TANC2: variants seen among roughly 807,000 people sequenced by gnomAD.
The protein encoded by TANC2 is protein TANC2.
Under a neutral mutation model 210.5 loss-of-function variants are expected in TANC2, and 26 were observed. The observed-to-expected ratio is 0.12, with a 90% CI of 0.09 to 0.17. The LOEUF (loss-of-function observed/expected upper bound fraction) is 0.17. TANC2 is among the 10% of genes least tolerant of loss of function. TANC2 has a pLI of 1.00. For synonymous variants in TANC2, 931 were observed against 967.1 expected (o/e 0.96, Z 0.69); for missense variants, 2,129 against 2,608.9 (o/e 0.82, Z 4.01).
intron 2 of TANC2, among the ~76,000 whole-genome samples, chr17:63,010,424 A>C (rs1198727319): frequency 6.6e-6 from 1 of 150,710 alleles, no homozygotes; most frequent in Non-Finnish European, 1.5e-5. Context: ...TTTTTCCTCC[A>C]CTGCTCACAC....
rs115313619 is a variant in TANC2 at position 63,395,169 on chromosome 17, C to T, written c.3052-574C>T. On this transcript the variant is annotated intron_variant, in intron 17 of 27. Transcript: ENST00000689528. ...AACACTGAAATTATGAAGACTGCTACTGGTGCACTAAGCCAGAAGTGCCTC... is the reference window on the plus strand; with the variant it reads ...AACACTGAAATTATGAAGACTGCTATTGGTGCACTAAGCCAGAAGTGCCTC... 8.2e-3 allele frequency among the ~76,000 whole-genome samples: 1,248 copies of T among 152,308 alleles called. 13 individuals are homozygous for T. The highest frequency in any genetic ancestry group is 0.027 in the African/African-American group (1,138 of 41,562).
intron 7 of TANC2, among the ~76,000 whole-genome samples, chr17:63,208,889 G>GT (rs142470948): frequency 1.3e-5 from 2 of 151,954 alleles, no homozygotes; most frequent in Admixed American, 6.6e-5. Context: ...ATAATTTATA[G>GT]TTTTTTTGTG....
At chr17:63,030,478 A>C (rs1198125107) in intron 2 of TANC2, among the ~76,000 whole-genome samples, 1 of 152,092 alleles carries the variant, frequency 6.6e-6, no homozygotes, top group East Asian at 1.9e-4. Context: ...AGTACCTTCA[A>C]CTTTTACATC....
rs539156494 is a variant in TANC2 at position 63,284,011 on chromosome 17, A to C, written c.1159+16138A>C. Among the ~76,000 whole-genome samples, 202 of 152,062 alleles carry C rather than the reference A, an allele frequency of 1.3e-3. 2 individuals are homozygous for C. The highest frequency in any genetic ancestry group is 4.5e-3 in the African/African-American group (189 of 41,552). ...ACTAGTACAATGTTGAGTAGAAACA[A>C]AGAGAGCGGAAATTCTTGCTTTTTC... On this transcript the variant is annotated intron_variant, in intron 9 of 27. Transcript: ENST00000689528.
chr17:63,204,953 C>G (rs1191960048), intron 7 of TANC2, among the ~76,000 whole-genome samples: 1 of 151,968 alleles, frequency 6.6e-6, no homozygotes, highest in African/African-American at 2.4e-5. Context: ...GGCGTGGTAG[C>G]AGGAGCCTGT....
intron 7 of TANC2, among the ~76,000 whole-genome samples, chr17:63,202,602 A>G (rs1017546142): frequency 6.6e-6 from 1 of 152,280 alleles, no homozygotes; most frequent in Admixed American, 6.5e-5. Flanking sequence ...CATCTATGAT[A>G]TTGCACATGT....
chr17:63,305,264 G>A (rs566049106), intron 9 of TANC2: 1 of 152,382 alleles, frequency 6.6e-6, no homozygotes, highest in African/African-American at 2.4e-5. Flanking sequence ...GAAAAAACAT[G>A]TTTTCCCAGG....
At chr17:63,162,093 C>T (rs2040047464) in intron 5 of TANC2, among the ~76,000 whole-genome samples, 1 of 151,890 alleles carries the variant, frequency 6.6e-6, no homozygotes, top group Non-Finnish European at 1.5e-5. Flanking sequence ...TCATTCGAGG[C>T]CGGGAGTTGG....
intron 4 of TANC2, among the ~76,000 whole-genome samples, chr17:63,126,359 G>T (rs1178305501): frequency 1.3e-5 from 2 of 152,140 alleles, no homozygotes; most frequent in Non-Finnish European, 2.9e-5. Flanking sequence ...ACACTATTAT[G>T]ATGTTAAGAG....
chr17:63,364,215 C>G (rs1487087986), intron 14 of TANC2, among the ~76,000 whole-genome samples: 1 of 152,170 alleles, frequency 6.6e-6, no homozygotes, highest in Non-Finnish European at 1.5e-5. Context: ...AATTTGCCAA[C>G]ACATTGAATG....
At chr17:63,115,902 A>G (rs978680709) in intron 4 of TANC2, among the ~76,000 whole-genome samples, 1 of 152,206 alleles carries the variant, frequency 6.6e-6, no homozygotes, top group Non-Finnish European at 1.5e-5. Context: ...ACTACAGTCA[A>G]GACTAGTCAA....
intron 9 of TANC2, among the ~76,000 whole-genome samples, chr17:63,296,681 G>A (rs1332402863): frequency 6.6e-6 from 1 of 152,108 alleles, no homozygotes; most frequent in Non-Finnish European, 1.5e-5. Flanking sequence ...GATACCAGGA[G>A]AACAATTTAT....
chr17:63,420,057 C>T lies in TANC2; in HGVS notation c.4327C>T (p.Arg1443Cys), dbSNP rs747580283. ...GGCCATCAAGCTGTGTCCCAACAAC[C>T]GTGAGATCCAGAGACTTCTGCTGAG... Residue 1443 changes from arginine (R) to cysteine (C), a missense_variant, in exon 28 of 28, where the codon CGT (arginine) becomes TGT (cysteine). Coordinates refer to ENST00000689528, the Ensembl canonical transcript of TANC2. The surrounding 1 kb of genome is among the most constrained non-coding windows in gnomAD (Gnocchi z 4.2). 5.2e-6 allele frequency: 8 copies of T among 1,552,080 alleles called. No individual in the cohort carries two copies. The highest frequency in any genetic ancestry group is 1.4e-5 in the African/African-American group (1 of 72,996).
intron 2 of TANC2, among the ~76,000 whole-genome samples, chr17:63,028,030 T>C (rs2034625993): frequency 6.6e-6 from 1 of 152,088 alleles, no homozygotes; most frequent in African/African-American, 2.4e-5. Flanking sequence ...CCTAGAGTCA[T>C]GATTCTTTGA....
rs74365012 is a variant in TANC2, at chr17:63,259,701, A to G, written c.1034-8047A>G. Among the ~76,000 whole-genome samples the G allele has an allele frequency of 4.2e-4, 64 of 152,314 alleles. 1 individual carries two copies. The East Asian group carries it at 7.7e-3, about 18-fold the overall frequency. ...TCTCCTAGAACCTTGCTTTGAAATT[A>G]TATACTGTGCCATTAATATTGCCAT... On this transcript the variant is annotated intron_variant, in intron 8 of 27. Transcript: ENST00000689528.
intron 4 of TANC2, among the ~76,000 whole-genome samples, chr17:63,112,720 G>A (rs1598416391): frequency 6.6e-6 from 1 of 152,156 alleles, no homozygotes; most frequent in African/African-American, 2.4e-5. Context: ...TTTGTGCCAA[G>A]CACTTCTTGT....
chr17:63,223,820 T>G (rs550005931), intron 7 of TANC2, among the ~76,000 whole-genome samples: 3 of 152,234 alleles, frequency 2.0e-5, no homozygotes, highest in Non-Finnish European at 4.4e-5. Flanking sequence ...CTGCATCCTG[T>G]GTTTAATCAT....
chr17:63,339,904 TC>T (rs1374370494), intron 11 of TANC2, among the ~76,000 whole-genome samples, 196 bp from the exon 12 acceptor site: 2 of 152,204 alleles, frequency 1.3e-5, no homozygotes, highest in Non-Finnish European at 2.9e-5. Flanking sequence ...AAATTTCTGA[TC>T]TTACATAAAT....
intron 9 of TANC2, among the ~76,000 whole-genome samples, chr17:63,289,253 ATATT>A (rs1248498251): frequency 6.6e-6 from 1 of 152,024 alleles, no homozygotes; most frequent in Non-Finnish European, 1.5e-5. Flanking sequence ...ATTGTTTCAA[ATATT>A]TATTCTGTTC....
Sources: allele counts gnomAD v4.1 joint callset (sites outside exome capture counted in the v4.1 genomes callset), GRCh38; gene constraint gnomAD v4.1.1; non-coding constraint Gnocchi (gnomAD v3.1); transcripts MANE v1.5; gene names NCBI Gene and HGNC (gene_info 2026-07-23, HGNC 2026-07-21).